Variants in ELAVL2 observed in about 807,000 individuals in gnomAD.
ELAVL2 encodes ELAV-like protein 2.
Under a neutral mutation model 34.6 loss-of-function variants are expected in ELAVL2, and 4 were observed. The observed-to-expected ratio is 0.12, with a 90% CI of 0.06 to 0.26. The LOEUF is 0.26. ELAVL2 is among the 10% of genes least tolerant of loss of function. The probability of loss-of-function intolerance (pLI) is 1.00; values close to 1 mark genes in which losing one functional copy is unlikely to be tolerated. For missense variants in ELAVL2, 432 were observed against 442.8 expected (o/e 0.98, Z 0.22); for synonymous variants, 193 against 154.8 (o/e 1.25, Z -1.83).
intron 1 of ELAVL2, among the ~76,000 whole-genome samples, chr9:23,822,636 C>A (rs2064975305): frequency 6.6e-6 from 1 of 152,228 alleles, no homozygotes; most frequent in African/African-American, 2.4e-5. Flanking sequence ...GCGGCTGGAG[C>A]ACGTTTTTAC....
At chr9:23,805,457 G>A (rs2062088482) in intron 1 of ELAVL2, among the ~76,000 whole-genome samples, 1 of 152,176 alleles carries the variant, frequency 6.6e-6, no homozygotes, top group African/African-American at 2.4e-5. Flanking sequence ...TTCAATGAAG[G>A]GTTGCCCATT....
At chr9:23,778,447 A>G (rs757351621) in intron 1 of ELAVL2, among the ~76,000 whole-genome samples, 11 of 152,348 alleles carry the variant, frequency 7.2e-5, no homozygotes, top group South Asian at 6.2e-4. Flanking sequence ...TCATAAAACT[A>G]TATTTCTGAT....
intron 5 of ELAVL2, among the ~76,000 whole-genome samples, chr9:23,699,812 GTTTTTTTTTTTTTTTTTTTTTTTTTT>G (rs199637833): frequency 3.6e-5 from 3 of 82,972 alleles, no homozygotes; most frequent in African/African-American, 1.3e-4. Context: ...GGTGGCAAAG[GTTTTTTTTTTTTTTTTTTTTTTTTTT>G]TTTTTTTTTT....
In ELAVL2 at chr9:23,762,153, G is replaced by A. The variant is rs778548697; in HGVS notation, c.82C>T (p.Pro28Ser). ...TCTTCTGTGTTCCCAGAGTCAACTGGTGACGAACAGTTGTTGTTTATGGTG... is the reference window on the plus strand; with the variant it reads ...TCTTCTGTGTTCCCAGAGTCAACTGATGACGAACAGTTGTTGTTTATGGTG... ...PTTINNNCSS[P>S]VDSGNTEDSK... is the part of the protein sequence containing the mutation. Residue 28 changes from proline to serine, a missense_variant, in exon 2 of 7, where the codon CCA becomes TCA. Pro to Ser is a moderately conservative substitution (Grantham distance 74). Around this residue, in one of 3 missense-constraint regions of ELAVL2, gnomAD observed 132 missense variants for 118.3 expected, o/e 1.12. Transcript: ENST00000397312. The A allele has an allele frequency of 1.9e-6, 3 of 1,613,622 alleles. No individual in the cohort carries two copies. The highest frequency in any genetic ancestry group is 3.3e-5 in the Admixed American group (2 of 59,974).
Position 23,762,050 on chromosome 9 carries a change from A to G in ELAVL2, c.185T>C (p.Ile62Thr), listed in dbSNP as rs372647096. The G allele has an allele frequency of 6.8e-6, 11 of 1,613,136 alleles. No individual in the cohort carries two copies. Among genetic ancestry groups the G allele is most frequent in the African/African-American group, 4.0e-5 (3 of 74,858 alleles). Residue 62 changes from isoleucine to threonine, a missense_variant, in exon 2 of 7, where the codon ATT becomes ACT. By Grantham distance (89) the Ile-to-Thr change is moderately conservative. Transcript: ENST00000397312. ...QEELKSLFGS[I>T]GEIESCKLVR... ...AAGCTTACAGGACTCTATTTCACCA[A>G]TGCTCCCAAAGAGACTCTTTAGTTC...
chr9:23,720,258 C>T (rs779757294), intron 3 of ELAVL2, among the ~76,000 whole-genome samples: 2 of 151,768 alleles, frequency 1.3e-5, no homozygotes, highest in Non-Finnish European at 2.9e-5. Context: ...CAGCAACCTC[C>T]GCCTCCCAAG....
At chr9:23,758,301 T>C (rs988727791) in intron 2 of ELAVL2, among the ~76,000 whole-genome samples, 10 of 152,104 alleles carry the variant, frequency 6.6e-5, no homozygotes, top group East Asian at 1.9e-4. Flanking sequence ...ATGCCTACTT[T>C]TCAAAGTACA....
At chr9:23,767,904 G>T (rs905944374) in intron 1 of ELAVL2, among the ~76,000 whole-genome samples, 2 of 152,206 alleles carry the variant, frequency 1.3e-5, no homozygotes, top group South Asian at 2.1e-4. Flanking sequence ...AGACTTCTGC[G>T]GGTTAAAGTC....
At chr9:23,749,696 C>T (rs963139338) in intron 2 of ELAVL2, among the ~76,000 whole-genome samples, 3 of 152,046 alleles carry the variant, frequency 2.0e-5, no homozygotes, top group Admixed American at 2.0e-4. Flanking sequence ...TGTTAGCCTC[C>T]GGTGAACATT....
chr9:23,694,112 A>T (rs1011043307), intron 5 of ELAVL2, among the ~76,000 whole-genome samples: 1 of 152,176 alleles, frequency 6.6e-6, no homozygotes, highest in Non-Finnish European at 1.5e-5. Flanking sequence ...CTAGAGAAGG[A>T]AAAAAGAAAA....
At chr9:23,830,822 T>G (rs1403513792), upstream of ELAVL2, among the ~76,000 whole-genome samples, 1 of 151,732 alleles carries the variant, frequency 6.6e-6, no homozygotes, top group Non-Finnish European at 1.5e-5. Flanking sequence ...TTTTACTCAA[T>G]AGCAACTTTT....
Position 23,826,226 on chromosome 9 carries a change from G to T in ELAVL2, c.-436C>A, listed in dbSNP as rs112986992. ...CATCTCTAACTAAGAACAGAAATAGGGGGGAGGACGTCTTAAAAGGGAGGT... is the reference window on the plus strand; with the variant it reads ...CATCTCTAACTAAGAACAGAAATAGTGGGGAGGACGTCTTAAAAGGGAGGT... On this transcript the variant is annotated 5_prime_UTR_variant, in exon 1 of 7. Coordinates refer to ENST00000397312, the MANE Select transcript of ELAVL2 (RefSeq NM_004432.5). 2.6e-5 allele frequency: 4 copies of T among 152,240 alleles called. No individual in the cohort carries two copies. Among genetic ancestry groups the T allele is most frequent in the East Asian group, 1.9e-4 (1 of 5,190 alleles). 9.4% of individuals were successfully genotyped at this position (152,240 alleles called of 1,614,324 possible). A position where few individuals can be genotyped will look rare whatever the true frequency, so the allele number is the denominator to read the frequency against.
intron 1 of ELAVL2, among the ~76,000 whole-genome samples, chr9:23,770,607 T>G (rs1415750146): frequency 6.6e-6 from 1 of 152,144 alleles, no homozygotes; most frequent in Non-Finnish European, 1.5e-5. Context: ...CATTGCTGGC[T>G]TTAAATGGGG....
intron 1 of ELAVL2, among the ~76,000 whole-genome samples, chr9:23,801,574 A>G (rs900355358): frequency 1.3e-5 from 2 of 152,182 alleles, no homozygotes; most frequent in East Asian, 3.9e-4. Flanking sequence ...AAGGGACTTT[A>G]GTTTTAAACA....
chr9:23,787,831 T>C (rs757349369), intron 1 of ELAVL2, among the ~76,000 whole-genome samples: 7 of 152,182 alleles, frequency 4.6e-5, no homozygotes, highest in African/African-American at 7.2e-5. Flanking sequence ...AAGTGGACTA[T>C]CAGCTAGGTA....
intron 2 of ELAVL2, among the ~76,000 whole-genome samples, chr9:23,743,728 A>T (rs545777794): frequency 1.1e-4 from 16 of 152,220 alleles, no homozygotes; most frequent in Non-Finnish European, 1.6e-4. Context: ...TCTTAAATGT[A>T]TAACAGGGTA....
At chr9:23,722,804 C>G (rs1028459280) in intron 3 of ELAVL2, among the ~76,000 whole-genome samples, 9 of 152,112 alleles carry the variant, frequency 5.9e-5, no homozygotes, top group South Asian at 2.1e-4. Context: ...TGTTTCTGCA[C>G]GAATTCAAAA....
At chr9:23,789,487 C>A (rs565399539) in intron 1 of ELAVL2, among the ~76,000 whole-genome samples, 15 of 152,264 alleles carry the variant, frequency 9.9e-5, no homozygotes, top group African/African-American at 3.6e-4. Flanking sequence ...TAATACAATT[C>A]GGTAAAACTT....
At chr9:23,798,131 G>A (rs1303732687) in intron 1 of ELAVL2, among the ~76,000 whole-genome samples, 1 of 152,210 alleles carries the variant, frequency 6.6e-6, no homozygotes, top group African/African-American at 2.4e-5. Flanking sequence ...CAGGATGACA[G>A]AGCCAAAGCT....
Sources: allele counts gnomAD v4.1 joint callset (sites outside exome capture counted in the v4.1 genomes callset), GRCh38; gene constraint gnomAD v4.1.1; regional missense constraint gnomAD v4.1.1; transcripts MANE v1.5; gene names NCBI Gene and HGNC (gene_info 2026-07-23, HGNC 2026-07-21).